SCUBE1: variants seen among roughly 807,000 people sequenced by gnomAD.
SCUBE1 encodes the protein signal peptide, CUB and EGF-like domain-containing protein 1.
In SCUBE1, 59 loss-of-function variants were observed where a neutral mutation model predicts 124.4. The ratio of observed to expected loss-of-function variants is 0.47; its 90% CI spans 0.38 to 0.59. The LOEUF (loss-of-function observed/expected upper bound fraction) is 0.59, where lower values mean the gene tolerates loss of function less well. Among genes scored for constraint, SCUBE1 ranks in the 20% least tolerant of loss-of-function variants. The probability of loss-of-function intolerance (pLI) is 0.00; values close to 1 mark genes in which losing one functional copy is unlikely to be tolerated. For synonymous variants in SCUBE1, 545 were observed against 550.9 expected (o/e 0.99, Z 0.15); for missense variants, 1,150 against 1,371.2 (o/e 0.84, Z 2.55).
chr22:43,257,506 A>G (rs1363982248), intron 6 of SCUBE1, among the ~76,000 whole-genome samples: 1 of 152,250 alleles, frequency 6.6e-6, no homozygotes, highest in Non-Finnish European at 1.5e-5. Flanking sequence ...CCTTGGAAAT[A>G]GGGACCAGGA....
intron 4 of SCUBE1, among the ~76,000 whole-genome samples, chr22:43,271,035 C>A (rs1924273482): frequency 6.6e-6 from 1 of 152,184 alleles, no homozygotes; most frequent in South Asian, 2.1e-4. Flanking sequence ...CACCCTAAGC[C>A]TTTGAGAAGG....
chr22:43,230,038 AAC>A (rs1375586985), intron 8 of SCUBE1, among the ~76,000 whole-genome samples: 1 of 152,214 alleles, frequency 6.6e-6, no homozygotes, highest in Admixed American at 6.5e-5. Context: ...TAAAACCACT[AAC>A]ACAAGGAAGA....
In SCUBE1 at chr22:43,255,053, C is replaced by T. The variant is rs1186376301; in HGVS notation, c.727+3166G>A. ...CTGCCCTGACCCGTCTACTCAAATG[C>T]CCTCTTTTGTGGCTGAGTCTCAGTG... On this transcript the variant is annotated intron_variant, in intron 6 of 21. Transcript: ENST00000360835. The surrounding 1 kb of genome is among the most constrained non-coding windows in gnomAD (Gnocchi z 4.7). 6.6e-6 allele frequency among the ~76,000 whole-genome samples: 1 copy of T among 152,184 alleles called. No homozygotes were observed. The highest frequency in any genetic ancestry group is 2.4e-5 in the African/African-American group (1 of 41,426).
At chr22:43,260,041 G>A (rs1923815088) in intron 5 of SCUBE1, among the ~76,000 whole-genome samples, 1 of 151,948 alleles carries the variant, frequency 6.6e-6, no homozygotes, top group South Asian at 2.1e-4. Context: ...CAGGCGATGG[G>A]GAGAGACCCA....
chr22:43,335,326 G>A (rs917533095), intron 2 of SCUBE1, among the ~76,000 whole-genome samples: 4 of 152,140 alleles, frequency 2.6e-5, no homozygotes, highest in African/African-American at 9.7e-5. Context: ...ACTCTGGCAG[G>A]CTGACTTGAT....
At chr22:43,299,018 T>C (rs896128335) in intron 3 of SCUBE1, among the ~76,000 whole-genome samples, 9 of 149,646 alleles carry the variant, frequency 6.0e-5, no homozygotes, top group Non-Finnish European at 1.3e-4. Flanking sequence ...ACCACTGCAC[T>C]CTGGCCTGGG....
intron 1 of SCUBE1, 115 bp from the exon 2 acceptor site, chr22:43,339,350 A>C (rs1476607676): frequency 1.0e-6 from 1 of 1,004,302 alleles, no homozygotes; most frequent in South Asian, 1.6e-5. Flanking sequence ...CGGTGGGCTC[A>C]TTGGCAATAA....
chr22:43,297,536 T>A (rs1281804152), intron 3 of SCUBE1, among the ~76,000 whole-genome samples: 1 of 152,166 alleles, frequency 6.6e-6, no homozygotes, highest in Admixed American at 6.5e-5. Context: ...TGAAGGGTGA[T>A]GTGTGGGAGG....
intron 4 of SCUBE1, among the ~76,000 whole-genome samples, chr22:43,273,604 G>T (rs1162021565): frequency 9.2e-6 from 1 of 108,824 alleles, no homozygotes; most frequent in Admixed American, 1.4e-4. Flanking sequence ...GTCTCACTCT[G>T]CCGCCCAGGC....
intron 15 of SCUBE1, among the ~76,000 whole-genome samples, chr22:43,216,821 C>T (rs1023344223): frequency 9.3e-5 from 14 of 149,966 alleles, no homozygotes; most frequent in Admixed American, 6.6e-4. Context: ...ACAGCTTCCC[C>T]GCCCTCTCCA....
chr22:43,319,540 C>A, intron 3 of SCUBE1, among the ~76,000 whole-genome samples: 1 of 109,822 alleles, frequency 9.1e-6, no homozygotes, highest in South Asian at 2.9e-4. Context: ...GCTTGGGTGA[C>A]AGAGCAAGAC....
chr22:43,281,589 T>C (rs62232107), intron 4 of SCUBE1, among the ~76,000 whole-genome samples: 1 of 122,772 alleles, frequency 8.1e-6, no homozygotes, highest in African/African-American at 3.5e-5. Context: ...ACCTCCCTTC[T>C]CAGCCACCCT....
Position 43,238,957 on chromosome 22 carries a change from G to C in SCUBE1, c.728-3C>G. 6.2e-7 allele frequency: 1 copy of C among 1,607,070 alleles called. No homozygotes were observed. Reference sequence around the variant, plus strand: ...TCCGTTATTGACTGCGCACGTCTCTGGGGAGGGAAAGAGACAGAGACCTCA... The same window carrying C: ...TCCGTTATTGACTGCGCACGTCTCTCGGGAGGGAAAGAGACAGAGACCTCA... On this transcript the variant is annotated splice_polypyrimidine_tract_variant and splice_region_variant and intron_variant, in intron 6 of 21. Coordinates refer to ENST00000360835, the MANE Select transcript of SCUBE1 (RefSeq NM_173050.5).
intron 4 of SCUBE1, among the ~76,000 whole-genome samples, chr22:43,268,920 T>C (rs1290833753): frequency 6.6e-6 from 1 of 152,166 alleles, no homozygotes; most frequent in Admixed American, 6.5e-5. Context: ...GCTATCACTC[T>C]GAAAGGGACA....
chr22:43,339,646 G>A (rs1927209647), intron 1 of SCUBE1, among the ~76,000 whole-genome samples: 2 of 57,836 alleles, frequency 3.5e-5, no homozygotes, highest in Admixed American at 4.8e-4. Context: ...CCCCCCACAA[G>A]CATCACTCCA....
At chr22:43,325,417 T>G (rs1342349578) in intron 2 of SCUBE1, among the ~76,000 whole-genome samples, 1 of 122,988 alleles carries the variant, frequency 8.1e-6, no homozygotes, top group Non-Finnish European at 1.6e-5. Flanking sequence ...CACTCCAGCC[T>G]GGGCAACAAG....
At chr22:43,247,692 A>G (rs1392904533) in intron 6 of SCUBE1, among the ~76,000 whole-genome samples, 1 of 152,126 alleles carries the variant, frequency 6.6e-6, no homozygotes, top group Admixed American at 6.5e-5. Context: ...GGTGGCTTGG[A>G]TGGGGAGGGC....
intron 2 of SCUBE1, among the ~76,000 whole-genome samples, chr22:43,337,124 A>G (rs974079278): frequency 2.0e-5 from 3 of 152,128 alleles, no homozygotes; most frequent in Non-Finnish European, 4.4e-5. Flanking sequence ...TCATCTTCAT[A>G]CCCAGCAGGA....
chr22:43,312,701 C>T (rs895543308), intron 3 of SCUBE1, among the ~76,000 whole-genome samples: 1 of 152,186 alleles, frequency 6.6e-6, no homozygotes. Context: ...GGGGTGGAGG[C>T]GCCCTTGGTA....
Sources: allele counts gnomAD v4.1 joint callset (sites outside exome capture counted in the v4.1 genomes callset), GRCh38; gene constraint gnomAD v4.1.1; non-coding constraint Gnocchi (gnomAD v3.1); transcripts MANE v1.5; gene names NCBI Gene and HGNC (gene_info 2026-07-23, HGNC 2026-07-21).